Variants in SLC41A3 observed in about 807,000 individuals in gnomAD.
The protein encoded by SLC41A3 is solute carrier family 41 member 3.
Under a neutral mutation model 45.4 loss-of-function variants are expected in SLC41A3, and 44 were observed. That is an observed-to-expected ratio of 0.97 (90% confidence interval 0.76 to 1.25). The LOEUF (loss-of-function observed/expected upper bound fraction) is 1.25. SLC41A3 is among the 50% of genes most tolerant of loss of function. SLC41A3 has a pLI of 0.00. For missense variants in SLC41A3, 550 were observed against 600.6 expected (o/e 0.92, Z 0.88); for synonymous variants, 256 against 252.4 (o/e 1.01, Z -0.13).
At chr3:126,016,459 G>A (rs544653357) in intron 7 of SLC41A3, among the ~76,000 whole-genome samples, 12 of 152,244 alleles carry the variant, frequency 7.9e-5, no homozygotes, top group African/African-American at 2.9e-4. Context: ...CTCCAGTGCC[G>A]GCCCCAGCTT....
intron 2 of SLC41A3, chr3:126,067,643 GGCA>G: frequency 2.0e-6 from 1 of 504,224 alleles, no homozygotes; most frequent in Non-Finnish European, 3.8e-6. Context: ...ACTTTGTTAT[GGCA>G]GCAGTAGTTG....
chr3:126,072,430 CTGACAATCCTTTA>C (rs1450879923), intron 1 of SLC41A3, among the ~76,000 whole-genome samples: 1 of 145,492 alleles, frequency 6.9e-6, no homozygotes, highest in Non-Finnish European at 1.5e-5. Flanking sequence ...ATCGACAAAA[CTGACAATCCTTTA>C]TGTAGACTGA....
intron 2 of SLC41A3, 68 bp downstream of exon 2, chr3:126,067,879 C>T: frequency 6.7e-7 from 1 of 1,492,864 alleles, no homozygotes; most frequent in Non-Finnish European, 8.9e-7. Context: ...ACCTTACATG[C>T]AGCTGCCTAC....
chr3:126,051,045 CCAGTGCTGGTAGGGAAA>C lies in SLC41A3; in HGVS notation c.274-12_278del. 3.1e-6 allele frequency: 5 copies of C among 1,604,346 alleles called. No individual in the cohort carries two copies. The highest frequency in any genetic ancestry group is 3.4e-6 in the Non-Finnish European group (4 of 1,174,558). Reference sequence around the variant, plus strand: ...GGTCTTTCACCTCCACAAACACAGGCCAGTGCTGGTAGGGAAACAGTAAGGAGATAAGCCAAACACAC... The same window carrying C: ...GGTCTTTCACCTCCACAAACACAGGCCAGTAAGGAGATAAGCCAAACACAC... On this transcript the variant is annotated splice_acceptor_variant and splice_polypyrimidine_tract_variant and coding_sequence_variant and intron_variant, in exon 3 of 11. Coordinates refer to ENST00000360370, the MANE Select transcript of SLC41A3 (RefSeq NM_017836.4). LOFTEE classifies it high-confidence loss of function.
intron 1 of SLC41A3, 145 bp downstream of exon 1, chr3:126,083,947 GA>G (rs1945300218): frequency 8.6e-6 from 1 of 115,908 alleles, no homozygotes; most frequent in Non-Finnish European, 1.8e-5. Flanking sequence ...CCCTCCCGCC[GA>G]GCCCCCAGGG....
At chr3:126,059,385 GCAAA>G (rs538951138) in intron 2 of SLC41A3, among the ~76,000 whole-genome samples, 69 of 151,586 alleles carry the variant, frequency 4.6e-4, no homozygotes, top group Non-Finnish European at 9.6e-4. Flanking sequence ...TCGGCCACAC[GCAAA>G]CAGTCACTGC....
intron 2 of SLC41A3, among the ~76,000 whole-genome samples, chr3:126,060,077 C>T (rs1943974245): frequency 6.6e-6 from 1 of 152,132 alleles, no homozygotes; most frequent in Non-Finnish European, 1.5e-5. Flanking sequence ...AGGTGTCTGA[C>T]CAAGTAGTTA....
intron 1 of SLC41A3, among the ~76,000 whole-genome samples, chr3:126,097,847 A>G (rs1473089686): frequency 1.3e-5 from 2 of 152,174 alleles, no homozygotes; most frequent in Non-Finnish European, 2.9e-5. Flanking sequence ...CAGTCACCAC[A>G]CCAGCACACA....
At chr3:126,039,738 C>G (rs986180226) in intron 3 of SLC41A3, among the ~76,000 whole-genome samples, 3 of 152,226 alleles carry the variant, frequency 2.0e-5, no homozygotes, top group Non-Finnish European at 4.4e-5. Flanking sequence ...AGACAATCCA[C>G]ACATATTTAA....
intron 6 of SLC41A3, among the ~76,000 whole-genome samples, chr3:126,020,240 A>AT (rs1402919625): frequency 6.6e-6 from 1 of 152,136 alleles, no homozygotes; most frequent in Non-Finnish European, 1.5e-5. Context: ...CCTGGGCAGC[A>AT]AGCTCATGCC....
chr3:126,051,020 G>C lies in SLC41A3; in HGVS notation c.304C>G (p.Leu102Val). 6.2e-7 allele frequency: 1 copy of C among 1,611,860 alleles called. No homozygotes were observed. Among genetic ancestry groups the C allele is most frequent in the Admixed American group, 1.7e-5 (1 of 59,758 alleles). Residue 102 changes from leucine to valine, a missense_variant, in exon 3 of 11, where the codon CTT (leucine) becomes GTT (valine). By Grantham distance (32) the Leu-to-Val change is conservative. Transcript: ENST00000360370. ...ACCAGGGGCGGCACCAATGTCAAAA[G>C]GTCTTTCACCTCCACAAACACAGGC... The part of the protein sequence containing the change: ...HWPVFVEVKD[L>V]LTLVPPLVGL...
chr3:126,012,692 A>G lies in SLC41A3; in HGVS notation c.1028T>C (p.Met343Thr), dbSNP rs759813796. 6.2e-6 allele frequency: 10 copies of G among 1,614,196 alleles called. No homozygotes were observed. The South Asian group carries it at 8.8e-5, about 14-fold the overall frequency. The change falls in exon 9 of 11, where the codon ATG becomes ACG. Residue 343 changes from methionine (M) to threonine (T), a missense_variant. Coordinates refer to ENST00000360370, the MANE Select transcript of SLC41A3 (RefSeq NM_017836.4). ...GGGCAGGACGCCAGGTGCACTCCAC[A>G]TGTGCAGGTAGGTTGAGATTCGGCT... ...QTSRISTYLHMWSAPGVLPLQ... is the reference protein window; with the variant it reads ...QTSRISTYLHTWSAPGVLPLQ...
chr3:126,010,705 T>C (rs1189046076), intron 9 of SLC41A3, among the ~76,000 whole-genome samples: 2 of 152,198 alleles, frequency 1.3e-5, no homozygotes, highest in Admixed American at 1.3e-4. Context: ...CCAGTGCTAA[T>C]GGGGCCCCCA....
At chr3:126,036,997 T>G (rs964084041) in intron 3 of SLC41A3, among the ~76,000 whole-genome samples, 7 of 152,190 alleles carry the variant, frequency 4.6e-5, no homozygotes, top group African/African-American at 1.7e-4. Context: ...GCATATGGTT[T>G]GGATGTGTGT....
In SLC41A3 at chr3:126,041,165, G is replaced by T. The variant is rs570455894; in HGVS notation, c.382-7487C>A. On this transcript the variant is annotated intron_variant, in intron 3 of 10. Transcript: ENST00000360370. ...GAGTGAATCAGTGAAAAATTAAATG[G>T]AGCAGAAGAATTCTAGCAGAAATGT... Among the ~76,000 whole-genome samples the T allele has an allele frequency of 2.0e-5, 3 of 151,938 alleles. No individual in the cohort carries two copies. The South Asian group carries it at 6.2e-4, about 32-fold the overall frequency.
At chr3:126,096,965 G>T (rs1222536803) in intron 1 of SLC41A3, among the ~76,000 whole-genome samples, 1 of 152,204 alleles carries the variant, frequency 6.6e-6, no homozygotes, top group African/African-American at 2.4e-5. Flanking sequence ...AAAAGAGACT[G>T]AGGCAAGTTC....
At chr3:126,085,906 G>A (rs1945376698), upstream of SLC41A3, among the ~76,000 whole-genome samples, 1 of 152,138 alleles carries the variant, frequency 6.6e-6, no homozygotes, top group Non-Finnish European at 1.5e-5. Flanking sequence ...GGCTTGTCCA[G>A]GAATGCATAT....
chr3:126,033,330 G>A (rs1028268775), intron 4 of SLC41A3, among the ~76,000 whole-genome samples: 10 of 134,464 alleles, frequency 7.4e-5, no homozygotes, highest in Admixed American at 1.5e-4. Flanking sequence ...CCATGAGACA[G>A]AGAAGGAGCA....
intron 1 of SLC41A3, among the ~76,000 whole-genome samples, chr3:126,078,458 C>T (rs999642410): frequency 7.9e-5 from 12 of 151,990 alleles, no homozygotes; most frequent in African/African-American, 2.4e-4. Flanking sequence ...AGCTATCGGC[C>T]GGCTCTCCAG....
Sources: allele counts gnomAD v4.1 joint callset (sites outside exome capture counted in the v4.1 genomes callset), GRCh38; gene constraint gnomAD v4.1.1; transcripts MANE v1.5; gene names NCBI Gene and HGNC (gene_info 2026-07-23, HGNC 2026-07-21).